Variants in SUN2 observed in about 807,000 individuals in gnomAD.
SUN2 encodes the protein SUN domain-containing protein 2.
A neutral mutation model predicts 100.0 loss-of-function variants in SUN2; 60 were observed. The ratio of observed to expected loss-of-function variants is 0.60; its 90% CI spans 0.49 to 0.74. The LOEUF is 0.74. Ranked by LOEUF, SUN2 falls within the 30% of genes least tolerant of loss-of-function variation. The pLI is 0.00. For missense variants in SUN2, 834 were observed against 954.6 expected, an observed-to-expected ratio of 0.87 and a Z score of 1.66; for synonymous variants, 367 against 403.3, an observed-to-expected ratio of 0.91 and a Z score of 1.08.
In SUN2 at chr22:38,738,322, C is replaced by A; in HGVS notation, c.1948-57G>T. The A allele has an allele frequency of 6.9e-7, 1 of 1,441,190 alleles. No homozygotes were observed. Among genetic ancestry groups the A allele is most frequent in the East Asian group, 2.3e-5 (1 of 43,808 alleles). 89.3% of individuals were successfully genotyped at this position (1,441,190 alleles called of 1,614,324 possible). A position where few individuals can be genotyped will look rare whatever the true frequency, so the allele number is the denominator to read the frequency against. On this transcript the variant is annotated intron_variant, in intron 16 of 17. Transcript: ENST00000689035. The surrounding 1 kb of genome is among the most constrained non-coding windows in gnomAD (Gnocchi z 6.6). ...GCTGGAGCAGGGAGAACACCCCTCC[C>A]CACTCCAATCCCTGCTCCTCCCACC... is the stretch of plus-strand genomic sequence containing the variant.
At position 38,736,102 on chromosome 22, in the gene SUN2, C is replaced by A; in HGVS notation, c.*165G>T. 1 of 716,374 alleles carries A rather than the reference C, an allele frequency of 1.4e-6. No homozygotes were observed. The highest frequency in any genetic ancestry group is 1.6e-5 in the South Asian group (1 of 64,382). 44.4% of individuals were successfully genotyped at this position (716,374 alleles called of 1,614,324 possible). On this transcript the variant is annotated 3_prime_UTR_variant, in exon 18 of 18. Coordinates refer to ENST00000689035, the MANE Select transcript of SUN2 (RefSeq NM_015374.3). ...CTGGAGCCTGCTAACCGCCTCGAGC[C>A]ACCTGCTGCTCAGGAGACCCTGCCC...
chr22:38,753,667 T>G (rs2092965031), intron 1 of SUN2, among the ~76,000 whole-genome samples: 1 of 152,116 alleles, frequency 6.6e-6, no homozygotes, highest in African/African-American at 2.4e-5. Flanking sequence ...GATAAAATGG[T>G]AAGTGTCTGC....
intron 8 of SUN2, chr22:38,745,154 G>A (rs1349515645): frequency 8.5e-6 from 4 of 471,076 alleles, no homozygotes; most frequent in South Asian, 1.5e-5. Context: ...GCCTGGGTGC[G>A]ATGAGAAACA....
Position 38,740,239 on chromosome 22 carries a change from C to T in SUN2, c.1356+28G>A. On this transcript the variant is annotated intron_variant, in intron 12 of 17. Transcript: ENST00000689035. The surrounding 1 kb of genome is among the most constrained non-coding windows in gnomAD (Gnocchi z 4.8). ...CGTCTCAAAGGAGGAGGAGAGGGACCAGCAGGGCCCTGGTGGTTCCCACTC... is the reference window on the plus strand; with the variant it reads ...CGTCTCAAAGGAGGAGGAGAGGGACTAGCAGGGCCCTGGTGGTTCCCACTC... The T allele has an allele frequency of 6.6e-7, 1 of 1,523,378 alleles. No homozygotes were observed. The highest frequency in any genetic ancestry group is 2.0e-5 in the Admixed American group (1 of 49,344). 94.4% of individuals were successfully genotyped at this position (1,523,378 alleles called of 1,614,324 possible).
chr22:38,742,519 C>T lies in SUN2; in HGVS notation c.850G>A (p.Glu284Lys). ...QRVMSRVHSL[E>K]RRLEALAAEF... ...GCAGCAAGAGCTTCCAGACGCCGCT[C>T]CAGAGAGTGTACCCGGGACATAACA... The change falls in exon 9 of 18, where the codon GAG (glutamate) becomes AAG (lysine). Residue 284 changes from glutamate to lysine, a missense_variant. Around this residue, in one of 3 missense-constraint regions of SUN2, gnomAD observed 559 missense variants for 597.7 expected, o/e 0.94. Coordinates refer to ENST00000689035, the MANE Select transcript of SUN2 (RefSeq NM_015374.3). 6 of 1,613,138 alleles carry T rather than the reference C, an allele frequency of 3.7e-6. No individual in the cohort carries two copies. The highest frequency in any genetic ancestry group is 5.1e-6 in the Non-Finnish European group (6 of 1,180,020).
chr22:38,748,843 C>T lies in SUN2; in HGVS notation c.615-60G>A, dbSNP rs1250180093. 23 of 1,531,224 alleles carry T rather than the reference C, an allele frequency of 1.5e-5. No individual in the cohort carries two copies. In the Middle Eastern group the frequency reaches 5.1e-4, roughly 34 times the overall value. 94.9% of individuals were successfully genotyped at this position (1,531,224 alleles called of 1,614,324 possible). On this transcript the variant is annotated intron_variant, in intron 6 of 17. Coordinates refer to ENST00000689035, the MANE Select transcript of SUN2 (RefSeq NM_015374.3). ...GAGGTGTGAGGGGAGCTCCAGGCCTCCACGTTCCACCCAGGGAGTACCCTG... is the reference window on the plus strand; with the variant it reads ...GAGGTGTGAGGGGAGCTCCAGGCCTTCACGTTCCACCCAGGGAGTACCCTG...
chr22:38,741,648 C>A, intron 9 of SUN2, 77 bp from the exon 10 acceptor site: 1 of 1,393,062 alleles, frequency 7.2e-7, no homozygotes, highest in Non-Finnish European at 1.0e-6. Context: ...AGTGGCGGAA[C>A]TGGAATTCAA....
Position 38,748,701 on chromosome 22 carries a change from A to G in SUN2, c.685+12T>C. ...CTCTGTGCCTCCCTCTGCTCTCCCC[A>G]TGCAGGCTCACCATACGTCAGGCAC... On this transcript the variant is annotated intron_variant, in intron 7 of 17. Transcript: ENST00000689035. The G allele has an allele frequency of 1.2e-6, 2 of 1,614,088 alleles. No homozygotes were observed. The highest frequency in any genetic ancestry group is 1.7e-6 in the Non-Finnish European group (2 of 1,179,986).
intron 8 of SUN2, 190 bp from the exon 9 acceptor site, chr22:38,742,745 G>T: frequency 1.5e-6 from 1 of 670,240 alleles, no homozygotes; most frequent in Non-Finnish European, 2.4e-6. Flanking sequence ...TGTGCTGGGA[G>T]CCAGGGATCA....
chr22:38,755,817 C>A lies in SUN2; in HGVS notation c.-92G>T. Reference sequence around the variant, plus strand: ...GGGGGCGTCCGAGGCCAGGCCGCCGCCGGGGCGCGCCCCCTTTCCGCGTGG... The same window carrying A: ...GGGGGCGTCCGAGGCCAGGCCGCCGACGGGGCGCGCCCCCTTTCCGCGTGG... On this transcript the variant is annotated 5_prime_UTR_variant, in exon 1 of 18. Coordinates refer to ENST00000689035, the MANE Select transcript of SUN2 (RefSeq NM_015374.3). This position sits in a 1 kb window ranked among gnomAD's most constrained non-coding sequence, Gnocchi z 5.7. The A allele has an allele frequency of 1.0e-6, 1 of 983,700 alleles. No individual in the cohort carries two copies. The highest frequency in any genetic ancestry group is 1.8e-5 in the African/African-American group (1 of 57,142). 60.9% of individuals were successfully genotyped at this position (983,700 alleles called of 1,614,324 possible).
chr22:38,738,164 A>G lies in SUN2; in HGVS notation c.2040+9T>C. On this transcript the variant is annotated intron_variant, in intron 17 of 17. Coordinates refer to ENST00000689035, the MANE Select transcript of SUN2 (RefSeq NM_015374.3). This position sits in a 1 kb window ranked among gnomAD's most constrained non-coding sequence, Gnocchi z 6.6. ...GCGCCACTTCTGCTAGCACAGCAGC[A>G]TCCCGTACCTGAAAGTGAAACGTCT... is the stretch of plus-strand genomic sequence containing the variant. The G allele has an allele frequency of 6.2e-7, 1 of 1,613,676 alleles. No individual in the cohort carries two copies.
Position 38,738,612 on chromosome 22 carries a change from C to G in SUN2, c.1922G>C (p.Ser641Thr). 6.2e-7 allele frequency: 1 copy of G among 1,613,810 alleles called. No homozygotes were observed. The highest frequency in any genetic ancestry group is 1.1e-5 in the South Asian group (1 of 91,084). Residue 641 changes from serine (S) to threonine (T), a missense_variant, in exon 16 of 18, where the codon AGT (serine) becomes ACT (threonine). Transcript: ENST00000689035. The surrounding 1 kb of genome is among the most constrained non-coding windows in gnomAD (Gnocchi z 6.6). ...KALSPNSTIS[S>T]APKDFAIFGF... ...AAAGATGGCGAAGTCCTTGGGGGCACTGGAGATAGTGCTGTTGGGTGACAA... is the reference window on the plus strand; with the variant it reads ...AAAGATGGCGAAGTCCTTGGGGGCAGTGGAGATAGTGCTGTTGGGTGACAA...
chr22:38,736,512 A>C, intron 17 of SUN2, 132 bp from the exon 18 acceptor site: 1 of 668,874 alleles, frequency 1.5e-6, no homozygotes, highest in Non-Finnish European at 2.4e-6. Context: ...CTCTGAAGAG[A>C]ACCAGGCTTC....
chr22:38,754,839 A>G, intron 1 of SUN2: 2 of 1,287,088 alleles, frequency 1.6e-6, no homozygotes, highest in South Asian at 2.5e-5. Context: ...CCCTCCCAGA[A>G]CTCCCAGAGA....
At chr22:38,750,135 C>T (rs2092933171) in intron 5 of SUN2, 90 bp downstream of exon 5, 1 of 1,540,118 alleles carries the variant, frequency 6.5e-7, no homozygotes, top group Non-Finnish European at 8.8e-7. Context: ...TACAGTCTCT[C>T]TGCATGGGCA....
intron 1 of SUN2, among the ~76,000 whole-genome samples, chr22:38,752,979 C>G (rs2092958678): frequency 6.6e-6 from 1 of 152,216 alleles, no homozygotes; most frequent in African/African-American, 2.4e-5. Context: ...TGGTGCTGAG[C>G]TCCGCACAAG....
intron 9 of SUN2, 132 bp downstream of exon 9, chr22:38,742,166 AAAG>A: frequency 8.5e-7 from 1 of 1,182,604 alleles, no homozygotes; most frequent in Non-Finnish European, 1.2e-6. Flanking sequence ...AAAAAGAAAA[AAAG>A]AGAAAGGGAG....
chr22:38,742,260 G>A, intron 9 of SUN2, 41 bp downstream of exon 9: 1 of 1,550,208 alleles, frequency 6.5e-7, no homozygotes, highest in Non-Finnish European at 8.7e-7. Context: ...CTTTCCTATG[G>A]GTGTCACCCA....
intron 4 of SUN2, 65 bp from the exon 5 acceptor site, chr22:38,750,385 T>C (rs779952082): frequency 1.3e-5 from 21 of 1,597,216 alleles, no homozygotes; most frequent in Admixed American, 1.7e-5. Flanking sequence ...CACTGTCTTC[T>C]GTGAGCCAAG....
Sources: allele counts gnomAD v4.1 joint callset (sites outside exome capture counted in the v4.1 genomes callset), GRCh38; gene constraint gnomAD v4.1.1; regional missense constraint gnomAD v4.1.1; non-coding constraint Gnocchi (gnomAD v3.1); transcripts MANE v1.5; gene names NCBI Gene and HGNC (gene_info 2026-07-23, HGNC 2026-07-21).